The following ARHGAP15 variants were observed in gnomAD, a reference collection of about 807,000 sequenced individuals.
The protein encoded by ARHGAP15 is rho GTPase-activating protein 15.
Under a neutral mutation model 63.7 loss-of-function variants are expected in ARHGAP15, and 51 were observed. The observed-to-expected ratio is 0.80, with a 90% CI of 0.64 to 1.01. The LOEUF (loss-of-function observed/expected upper bound fraction) is 1.01. Among genes scored for constraint, ARHGAP15 ranks in the 50% least tolerant of loss-of-function variants. The pLI is 0.00. For synonymous variants in ARHGAP15, 191 were observed against 193.8 expected, an observed-to-expected ratio of 0.99 and a Z score of 0.12; for missense variants, 560 against 564.6, an observed-to-expected ratio of 0.99 and a Z score of 0.08.
intron 13 of ARHGAP15, among the ~76,000 whole-genome samples, chr2:143,720,004 T>C (rs371628374): frequency 6.6e-6 from 1 of 152,154 alleles, no homozygotes; most frequent in Non-Finnish European, 1.5e-5. Context: ...GGTGGCTACA[T>C]AGAGAATCAA....
chr2:143,436,704 A>G (rs1689626988), intron 7 of ARHGAP15, among the ~76,000 whole-genome samples: 1 of 152,234 alleles, frequency 6.6e-6, no homozygotes, highest in Non-Finnish European at 1.5e-5. Context: ...TAATTGAACT[A>G]ATGCATGAAT....
intron 8 of ARHGAP15, among the ~76,000 whole-genome samples, chr2:143,458,579 C>T (rs900019857): frequency 6.6e-6 from 1 of 152,268 alleles, no homozygotes; most frequent in African/African-American, 2.4e-5. Flanking sequence ...GTGTCCTTGA[C>T]ATTTGAAAAT....
chr2:143,480,051 C>T (rs939282472), intron 8 of ARHGAP15, among the ~76,000 whole-genome samples: 1 of 152,020 alleles, frequency 6.6e-6, no homozygotes, highest in African/African-American at 2.4e-5. Context: ...ATGCTAAGTG[C>T]TATAACAAAA....
intron 5 of ARHGAP15, among the ~76,000 whole-genome samples, chr2:143,238,983 C>G (rs2104941140): frequency 6.6e-6 from 1 of 152,148 alleles, no homozygotes. Flanking sequence ...ATAATGAGAA[C>G]ACATGGATAG....
At chr2:143,580,085 A>T (rs1227864888) in intron 11 of ARHGAP15, among the ~76,000 whole-genome samples, 3 of 151,194 alleles carry the variant, frequency 2.0e-5, no homozygotes, top group Non-Finnish European at 4.4e-5. Flanking sequence ...ATGTGAACAT[A>T]AGCCCAACAG....
intron 2 of ARHGAP15, among the ~76,000 whole-genome samples, chr2:143,164,701 CA>C (rs1393251231): frequency 4.6e-5 from 7 of 151,838 alleles, no homozygotes; most frequent in Non-Finnish European, 1.0e-4. Flanking sequence ...ATTTCCTCCT[CA>C]TTATTATTAT....
chr2:143,297,087 G>A (rs745664500), intron 6 of ARHGAP15, among the ~76,000 whole-genome samples: 1 of 151,928 alleles, frequency 6.6e-6, no homozygotes, highest in South Asian at 2.1e-4. Flanking sequence ...ATCTTCCTGA[G>A]GGGGAGCCTT....
In ARHGAP15 at chr2:143,540,073, G is replaced by C. The variant is rs376862047; in HGVS notation, c.926-16335G>C. Among the ~76,000 whole-genome samples the C allele has an allele frequency of 1.6e-4, 24 of 152,288 alleles. No homozygotes were observed. The East Asian group carries it at 4.4e-3, about 28-fold the overall frequency. On this transcript the variant is annotated intron_variant, in intron 10 of 13. Transcript: ENST00000295095. ...ATGAATCTGGATGCTCCTGTATTGGGTGCATATATATTTAGGATAGTTAGT... is the reference window on the plus strand; with the variant it reads ...ATGAATCTGGATGCTCCTGTATTGGCTGCATATATATTTAGGATAGTTAGT...
chr2:143,304,738 C>A (rs59974302), intron 6 of ARHGAP15, among the ~76,000 whole-genome samples: 2 of 152,074 alleles, frequency 1.3e-5, no homozygotes, highest in Non-Finnish European at 2.9e-5. Flanking sequence ...AAGCTCATCA[C>A]TGGTCATTAG....
At chr2:143,589,017 T>C (rs1697217208) in intron 11 of ARHGAP15, among the ~76,000 whole-genome samples, 1 of 152,150 alleles carries the variant, frequency 6.6e-6, no homozygotes, top group African/African-American at 2.4e-5. Context: ...ATTTCACCTA[T>C]TAAACTAGGC....
At chr2:143,732,905 T>C (rs1429473043) in intron 13 of ARHGAP15, among the ~76,000 whole-genome samples, 4 of 142,886 alleles carry the variant, frequency 2.8e-5, no homozygotes, top group African/African-American at 7.8e-5. Flanking sequence ...CATTTTTGTT[T>C]TTGGGTTTTT....
chr2:143,665,466 G>T (rs1682112249), intron 12 of ARHGAP15, among the ~76,000 whole-genome samples: 1 of 65,088 alleles, frequency 1.5e-5, no homozygotes, highest in Admixed American at 1.8e-4. Flanking sequence ...ATATCATACT[G>T]AATGGGCAAA....
At chr2:143,197,987 C>T (rs968810664) in intron 2 of ARHGAP15, among the ~76,000 whole-genome samples, 2 of 151,836 alleles carry the variant, frequency 1.3e-5, no homozygotes, top group African/African-American at 2.4e-5. Flanking sequence ...CACACACACA[C>T]ACACACATAC....
intron 13 of ARHGAP15, among the ~76,000 whole-genome samples, chr2:143,758,073 C>A (rs1047960051): frequency 1.3e-5 from 2 of 151,894 alleles, no homozygotes; most frequent in African/African-American, 4.8e-5. Context: ...AACCAACCAG[C>A]AGAGAAATGG....
chr2:143,438,218 A>G (rs1432091745), intron 8 of ARHGAP15, among the ~76,000 whole-genome samples: 2 of 152,110 alleles, frequency 1.3e-5, no homozygotes, highest in Admixed American at 1.3e-4. Context: ...GAACTCAGTA[A>G]GTTGAGAAGA....
chr2:143,202,763 GT>G (rs11318352), intron 3 of ARHGAP15, among the ~76,000 whole-genome samples: 116,668 of 151,730 alleles, frequency 0.77, 45,312 homozygotes, highest in East Asian at 0.94. Flanking sequence ...AATGTTGATA[GT>G]TTTTTTTGTT....
intron 12 of ARHGAP15, among the ~76,000 whole-genome samples, chr2:143,682,348 T>C (rs990624762): frequency 4.6e-5 from 7 of 151,994 alleles, no homozygotes; most frequent in African/African-American, 1.5e-4. Context: ...ATAGGAATTA[T>C]AACACTTAAA....
chr2:143,589,764 A>G (rs1364900628), intron 11 of ARHGAP15, among the ~76,000 whole-genome samples: 1 of 152,196 alleles, frequency 6.6e-6, no homozygotes, highest in Non-Finnish European at 1.5e-5. Flanking sequence ...TGTTCAAAAG[A>G]CTTTTGGAGC....
At chr2:143,747,932 C>T (rs537167377) in intron 13 of ARHGAP15, among the ~76,000 whole-genome samples, 18 of 152,242 alleles carry the variant, frequency 1.2e-4, no homozygotes, top group East Asian at 3.9e-4. Context: ...TGAGGCAATA[C>T]GTTGTGATTT....
Sources: gnomAD v4.1 joint callset for allele counts (sites outside exome capture counted in the v4.1 genomes callset) on GRCh38, gnomAD v4.1.1 for gene constraint, MANE v1.5 for transcripts, NCBI Gene and HGNC (gene_info 2026-07-23, HGNC 2026-07-21) for gene names.